Variants in ITGA2 observed in about 807,000 individuals in gnomAD.
ITGA2 encodes integrin subunit alpha 2.
Under a neutral mutation model 146.3 loss-of-function variants are expected in ITGA2, and 101 were observed. The observed-to-expected ratio is 0.69, with a 90% CI of 0.59 to 0.81. The LOEUF is 0.81. ITGA2 is among the 40% of genes least tolerant of loss of function. ITGA2 has a pLI of 0.00. For synonymous variants in ITGA2, 477 were observed against 487.1 expected, an observed-to-expected ratio of 0.98 and a Z score of 0.27; for missense variants, 1,281 against 1,402.7, an observed-to-expected ratio of 0.91 and a Z score of 1.39.
In ITGA2 at chr5:53,055,929, C is replaced by T; in HGVS notation, c.931-55C>T. 2.0e-6 allele frequency: 3 copies of T among 1,515,308 alleles called. No homozygotes were observed. In the South Asian group the frequency reaches 3.5e-5, roughly 17 times the overall value. The allele number at this position is 1,515,308 out of a possible 1,614,324, so 93.9% of individuals were successfully genotyped here. On this transcript the variant is annotated intron_variant, in intron 8 of 29. Transcript: ENST00000296585. ...TGTTCAAAATAGGCTAGAATGTACTCATAGGGAAAATGTACAGCAGTAATG... is the reference window on the plus strand; with the variant it reads ...TGTTCAAAATAGGCTAGAATGTACTTATAGGGAAAATGTACAGCAGTAATG...
chr5:53,066,072 C>A, intron 15 of ITGA2, 95 bp downstream of exon 15: 1 of 1,148,348 alleles, frequency 8.7e-7, no homozygotes, highest in Non-Finnish European at 1.3e-6. Flanking sequence ...ATGCCACATG[C>A]ATTCTATAAG....
chr5:53,052,544 A>G (rs1259291062), intron 7 of ITGA2, among the ~76,000 whole-genome samples: 1 of 151,904 alleles, frequency 6.6e-6, no homozygotes, highest in African/African-American at 2.4e-5. Context: ...TTACCACCAT[A>G]ATTCTTTTTG....
intron 29 of ITGA2, 33 bp from the exon 30 acceptor site, chr5:53,090,486 G>A (rs369935188): frequency 2.5e-5 from 40 of 1,595,228 alleles, no homozygotes; most frequent in Non-Finnish European, 3.4e-5. Flanking sequence ...ATAAGCCACG[G>A]GTGGTAACAT....
intron 25 of ITGA2, 134 bp downstream of exon 25, chr5:53,080,755 C>T: frequency 1.4e-6 from 1 of 703,942 alleles, no homozygotes; most frequent in Non-Finnish European, 2.6e-6. Context: ...TGCCAACTGA[C>T]TAGCAGTTAA....
intron 26 of ITGA2, among the ~76,000 whole-genome samples, chr5:53,082,433 G>A (rs1356845611): frequency 6.6e-6 from 1 of 152,152 alleles, no homozygotes; most frequent in East Asian, 1.9e-4. Flanking sequence ...TCTACAAGTA[G>A]GTAAATGCAT....
intron 29 of ITGA2, 62 bp from the exon 30 acceptor site, chr5:53,090,457 G>A (rs1383290059): frequency 3.5e-6 from 5 of 1,443,220 alleles, no homozygotes; most frequent in East Asian, 2.3e-5. Flanking sequence ...AGCCAAGGGG[G>A]TCAGAGGCAC....
intron 13 of ITGA2, among the ~76,000 whole-genome samples, chr5:53,063,456 T>C (rs2111970329): frequency 6.6e-6 from 1 of 151,994 alleles, no homozygotes; most frequent in African/African-American, 2.4e-5. Context: ...TTTCAAGTCC[T>C]TCCACAAAAA....
rs749060026 is a variant in ITGA2, at chr5:53,072,636, T to C, written c.2370T>C (p.Gly790=). ...VFSIPFHKDC[G]EDGLCISDLV... ...AGATTCCTTTCCACAAAGACTGTGGTGAGGACGGACTTTGCATTTCTGATC... is the reference window on the plus strand; with the variant it reads ...AGATTCCTTTCCACAAAGACTGTGGCGAGGACGGACTTTGCATTTCTGATC... The change falls in exon 19 of 30, where the codon GGT becomes GGC. Residue 790 remains glycine (G), a synonymous_variant. Coordinates refer to ENST00000296585, the MANE Select transcript of ITGA2 (RefSeq NM_002203.4). 20 of 1,610,740 alleles carry C rather than the reference T, an allele frequency of 1.2e-5. No homozygotes were observed. The highest frequency in any genetic ancestry group is 1.7e-5 in the Non-Finnish European group (20 of 1,178,464).
At chr5:53,063,943 A>G (rs776663222) in intron 13 of ITGA2, among the ~76,000 whole-genome samples, 2 of 151,852 alleles carry the variant, frequency 1.3e-5, no homozygotes, top group Admixed American at 6.6e-5. Context: ...AAAAATTTGT[A>G]TAAGATTATA....
chr5:53,017,046 G>A (rs1328775530), intron 1 of ITGA2, among the ~76,000 whole-genome samples: 2 of 152,146 alleles, frequency 1.3e-5, no homozygotes, highest in Admixed American at 1.3e-4. Flanking sequence ...GAACCTTGAT[G>A]ATCTTCATTT....
At position 53,066,975 on chromosome 5, in the gene ITGA2, A is replaced by G. The variant is rs375428675; in HGVS notation, c.1944-143A>G. 1.9e-5 allele frequency: 15 copies of G among 784,312 alleles called. No homozygotes were observed. In the African/African-American group the frequency reaches 1.9e-4, roughly 10 times the overall value. 48.6% of individuals were successfully genotyped at this position (784,312 alleles called of 1,614,324 possible). On this transcript the variant is annotated intron_variant, in intron 15 of 29. Transcript: ENST00000296585. ...TCTGTCTGCCATCTTAGAGCTTTCAAATATATACTACTGCTAAAGTGCTTT... is the reference window on the plus strand; with the variant it reads ...TCTGTCTGCCATCTTAGAGCTTTCAGATATATACTACTGCTAAAGTGCTTT...
At chr5:53,026,656 G>A (rs751703639) in intron 1 of ITGA2, 92 bp from the exon 2 acceptor site, 98 of 1,161,586 alleles carry the variant, frequency 8.4e-5, no homozygotes, top group Non-Finnish European at 1.2e-4. Context: ...ATTAGGTCAA[G>A]CAAGTTTTCT....
At chr5:52,990,795 C>A (rs1740913130) in intron 1 of ITGA2, among the ~76,000 whole-genome samples, 1 of 152,074 alleles carries the variant, frequency 6.6e-6, no homozygotes, top group Non-Finnish European at 1.5e-5. Context: ...GTATTGGGTG[C>A]TTCAGATACT....
chr5:52,994,600 T>A (rs1381023067), intron 1 of ITGA2, among the ~76,000 whole-genome samples: 1 of 152,224 alleles, frequency 6.6e-6, no homozygotes, highest in Non-Finnish European at 1.5e-5. Flanking sequence ...AACTGCGATG[T>A]CAACTAGCTT....
chr5:53,030,326 T>C (rs1743165801), intron 2 of ITGA2, among the ~76,000 whole-genome samples: 1 of 152,218 alleles, frequency 6.6e-6, no homozygotes, highest in African/African-American at 2.4e-5. Context: ...ATGACATCCC[T>C]GAATGATGTA....
intron 2 of ITGA2, among the ~76,000 whole-genome samples, chr5:53,035,449 G>A (rs1743442922): frequency 2.6e-5 from 4 of 152,288 alleles, no homozygotes; most frequent in East Asian, 3.9e-4. Context: ...ATCGTGAAAC[G>A]GAAAGATGCT....
intron 2 of ITGA2, among the ~76,000 whole-genome samples, chr5:53,034,322 A>G (rs1027845432): frequency 2.0e-5 from 3 of 152,012 alleles, no homozygotes; most frequent in South Asian, 2.1e-4. Context: ...CATCTCAACA[A>G]TGACAACCCC....
At chr5:53,066,479 T>G (rs1052511169) in intron 15 of ITGA2, among the ~76,000 whole-genome samples, 1 of 151,884 alleles carries the variant, frequency 6.6e-6, no homozygotes, top group African/African-American at 2.4e-5. Flanking sequence ...GAGAACAGTG[T>G]GAAGGTCATG....
chr5:53,006,701 A>G (rs1741872665), intron 1 of ITGA2, among the ~76,000 whole-genome samples: 1 of 152,178 alleles, frequency 6.6e-6, no homozygotes, highest in African/African-American at 2.4e-5. Context: ...GGTCAAAGGC[A>G]TATTTATTAT....
Sources: gnomAD v4.1 joint callset for allele counts (sites outside exome capture counted in the v4.1 genomes callset) on GRCh38, gnomAD v4.1.1 for gene constraint, MANE v1.5 for transcripts, NCBI Gene and HGNC (gene_info 2026-07-23, HGNC 2026-07-21) for gene names.